Variants in MORC1 observed in about 807,000 individuals in gnomAD.
MORC1 encodes the protein MORC family CW-type zinc finger protein 1.
In MORC1, 59 loss-of-function variants were observed where a neutral mutation model predicts 134.9. The ratio of observed to expected loss-of-function variants is 0.44; its 90% CI spans 0.35 to 0.54. The LOEUF is 0.54. Among genes scored for constraint, MORC1 ranks in the 20% least tolerant of loss-of-function variants. The pLI, the probability that MORC1 is intolerant of heterozygous loss-of-function variation, is 0.00. For missense variants in MORC1, 947 were observed against 1,134.5 expected, an observed-to-expected ratio of 0.83 and a Z score of 2.37; for synonymous variants, 395 against 391.7, an observed-to-expected ratio of 1.01 and a Z score of -0.10.
At chr3:109,103,508 A>G (rs557411313) in intron 4 of MORC1, among the ~76,000 whole-genome samples, 12 of 152,310 alleles carry the variant, frequency 7.9e-5, no homozygotes, top group Admixed American at 2.0e-4. Flanking sequence ...CTCACAAGCA[A>G]TACCTAAAGG....
chr3:109,108,151 T>C (rs542953258), intron 3 of MORC1, among the ~76,000 whole-genome samples: 1 of 152,274 alleles, frequency 6.6e-6, no homozygotes, highest in African/African-American at 2.4e-5. Flanking sequence ...ATGGTGCCAC[T>C]GCACTCCAGC....
chr3:108,994,522 G>A (rs550527923), intron 21 of MORC1, among the ~76,000 whole-genome samples: 36 of 152,248 alleles, frequency 2.4e-4, no homozygotes, highest in African/African-American at 8.2e-4. Flanking sequence ...ATTCAGAATA[G>A]TAACTGAAAG....
intron 21 of MORC1, among the ~76,000 whole-genome samples, chr3:108,989,146 AACAG>A (rs992391812): frequency 6.6e-6 from 1 of 152,190 alleles, no homozygotes; most frequent in Non-Finnish European, 1.5e-5. Flanking sequence ...GAGACAAGAA[AACAG>A]ACAGTTGTTT....
At chr3:109,061,690 T>G (rs1950087035) in intron 11 of MORC1, among the ~76,000 whole-genome samples, 2 of 152,174 alleles carry the variant, frequency 1.3e-5, no homozygotes, top group Admixed American at 1.3e-4. Context: ...CCCTTTCTCC[T>G]GTTACTTTCC....
At chr3:108,986,362 A>C (rs1472573649) in intron 22 of MORC1, among the ~76,000 whole-genome samples, 7 of 152,166 alleles carry the variant, frequency 4.6e-5, no homozygotes, top group Non-Finnish European at 7.4e-5. Flanking sequence ...TATCAGATGG[A>C]AACTTCATGC....
intron 8 of MORC1, among the ~76,000 whole-genome samples, chr3:109,077,028 A>T (rs1264266501): frequency 6.6e-6 from 1 of 152,184 alleles, no homozygotes; most frequent in Non-Finnish European, 1.5e-5. Flanking sequence ...GAGGAAAAAA[A>T]TAAGTAATTT....
At chr3:108,985,430 A>G (rs1410589670) in intron 22 of MORC1, among the ~76,000 whole-genome samples, 1 of 152,222 alleles carries the variant, frequency 6.6e-6, no homozygotes. Flanking sequence ...AACTGTCCAG[A>G]TATCTTGTTC....
chr3:109,084,749 T>A (rs1225273476), intron 8 of MORC1, among the ~76,000 whole-genome samples: 1 of 151,558 alleles, frequency 6.6e-6, no homozygotes, highest in Admixed American at 6.6e-5. Flanking sequence ...CAAAATACAC[T>A]ACGAAATTAT....
intron 23 of MORC1, among the ~76,000 whole-genome samples, chr3:108,983,369 C>G (rs551396251): frequency 6.6e-6 from 1 of 151,526 alleles, no homozygotes; most frequent in African/African-American, 2.4e-5. Flanking sequence ...AATAAGCAAG[C>G]TAAAATTAAA....
At chr3:109,032,338 C>T (rs1381997100) in intron 16 of MORC1, among the ~76,000 whole-genome samples, 1 of 152,082 alleles carries the variant, frequency 6.6e-6, no homozygotes, top group Non-Finnish European at 1.5e-5. Context: ...ATGATTTAAG[C>T]AGAAAAAGCA....
chr3:108,959,543 T>G (rs1947023860), intron 27 of MORC1, among the ~76,000 whole-genome samples: 1 of 152,158 alleles, frequency 6.6e-6, no homozygotes, highest in Non-Finnish European at 1.5e-5. Context: ...CAGCGTCTTT[T>G]CCCTCAGCTC....
At chr3:109,115,246 C>T (rs1457972233) in intron 1 of MORC1, among the ~76,000 whole-genome samples, 1 of 152,072 alleles carries the variant, frequency 6.6e-6, no homozygotes, top group Admixed American at 6.5e-5. Flanking sequence ...ATCAAAAATA[C>T]ATCTGCTCTT....
At chr3:109,000,982 T>C (rs1274881484) in intron 20 of MORC1, among the ~76,000 whole-genome samples, 1 of 152,196 alleles carries the variant, frequency 6.6e-6, no homozygotes, top group Non-Finnish European at 1.5e-5. Flanking sequence ...TCAAATGTTG[T>C]TTCAATTACA....
At chr3:109,063,929 T>A (rs1950138658) in intron 9 of MORC1, among the ~76,000 whole-genome samples, 1 of 152,142 alleles carries the variant, frequency 6.6e-6, no homozygotes, top group Non-Finnish European at 1.5e-5. Flanking sequence ...AACATTGGTT[T>A]AAATCATCAT....
chr3:109,094,893 G>A lies in MORC1; in HGVS notation c.583+16C>T. ...CAAATACTTCCATCAAATTGTCAGAGTTTTGATGATCTTACCACATTTTCC... is the reference window on the plus strand; with the variant it reads ...CAAATACTTCCATCAAATTGTCAGAATTTTGATGATCTTACCACATTTTCC... On this transcript the variant is annotated intron_variant, in intron 7 of 27. Transcript: ENST00000232603. 6.5e-7 allele frequency: 1 copy of A among 1,542,200 alleles called. No individual in the cohort carries two copies. Among genetic ancestry groups the A allele is most frequent in the African/African-American group, 1.4e-5 (1 of 70,894 alleles).
intron 6 of MORC1, among the ~76,000 whole-genome samples, chr3:109,095,626 C>G (rs1308036118): frequency 6.6e-6 from 1 of 152,086 alleles, no homozygotes; most frequent in Non-Finnish European, 1.5e-5. Flanking sequence ...GAAGACATAC[C>G]AGGCACTGCT....
chr3:108,984,716 C>T lies in MORC1; in HGVS notation c.2324G>A (p.Ser775Asn). 1 of 1,601,356 alleles carries T rather than the reference C, an allele frequency of 6.2e-7. No homozygotes were observed. The highest frequency in any genetic ancestry group is 1.1e-5 in the South Asian group (1 of 89,658). The change falls in exon 23 of 28, where the codon AGC becomes AAC. Residue 775 changes from serine (S) to asparagine (N), a missense_variant and splice_region_variant. Transcript: ENST00000232603. ...ATTTGTATAACTGTAGTACACTCAC[C>T]TTTTCCAGCTAGGTAATGAAGAGCT... Reference protein sequence around the residue: ...KRSSSLPSWKSLLNVPMEDVN... With the variant: ...KRSSSLPSWKNLLNVPMEDVN...
chr3:109,061,008 AC>A (rs1197238782), intron 11 of MORC1, among the ~76,000 whole-genome samples: 4 of 150,806 alleles, frequency 2.7e-5, no homozygotes, highest in Non-Finnish European at 5.9e-5. Context: ...AAAAAAAAAA[AC>A]TAAGAGAATT....
intron 20 of MORC1, among the ~76,000 whole-genome samples, chr3:109,003,276 TAC>T (rs1202351163): frequency 6.6e-6 from 1 of 151,478 alleles, no homozygotes. Context: ...TATATATATA[TAC>T]ACACACAGAC....
Sources: allele counts gnomAD v4.1 joint callset (sites outside exome capture counted in the v4.1 genomes callset), GRCh38; gene constraint gnomAD v4.1.1; transcripts MANE v1.5; gene names NCBI Gene and HGNC (gene_info 2026-07-23, HGNC 2026-07-21).